Variants in ZC3H12B observed in about 807,000 individuals in gnomAD.
ZC3H12B encodes the protein zinc finger CCCH-type containing 12B, also known as probable ribonuclease ZC3H12B.
Under a neutral mutation model 43.9 loss-of-function variants are expected in ZC3H12B, and 7 were observed. That is an observed-to-expected ratio of 0.16 (90% CI 0.09 to 0.30). The LOEUF (loss-of-function observed/expected upper bound fraction) is 0.30. ZC3H12B is among the 10% of genes least tolerant of loss of function. The pLI, the probability that ZC3H12B is intolerant of heterozygous loss-of-function variation, is 1.00. For missense variants in ZC3H12B, 475 were observed against 670.2 expected, an observed-to-expected ratio of 0.71 and a Z score of 3.22; for synonymous variants, 222 against 241.7, an observed-to-expected ratio of 0.92 and a Z score of 0.76.
At chrX:65,179,104 G>A in the ZC3H12B span, among the ~76,000 whole-genome samples, 1 of 111,335 alleles carries the variant, frequency 9.0e-6, no homozygotes, top group African/African-American at 3.3e-5. Context: ...CCTGCCCTTT[G>A]AATGGACATC....
At chrX:65,192,475 A>G in the ZC3H12B span, among the ~76,000 whole-genome samples, 7 of 111,440 alleles carry the variant, frequency 6.3e-5, no homozygotes, top group African/African-American at 2.3e-4. Flanking sequence ...GTATGATAGT[A>G]GCTGTGGGTC....
the ZC3H12B span, among the ~76,000 whole-genome samples, chrX:65,134,445 CCTT>C: frequency 9.0e-6 from 1 of 111,449 alleles, no homozygotes; most frequent in Admixed American, 9.5e-5. Flanking sequence ...AAATGTGTCT[CCTT>C]TGTCTCTACT....
the ZC3H12B span, chrX:65,271,537 A>G: frequency 8.9e-6 from 1 of 112,395 alleles, no homozygotes; most frequent in Non-Finnish European, 1.9e-5. Context: ...AAAGTCTCTC[A>G]GGCATTCTGA....
At chrX:65,229,887 A>T in the ZC3H12B span, among the ~76,000 whole-genome samples, 7 of 110,592 alleles carry the variant, frequency 6.3e-5, no homozygotes, top group Admixed American at 4.8e-4. Flanking sequence ...AGGAAACAAC[A>T]GGTGCTGGAG....
At chrX:65,183,145 C>G in the ZC3H12B span, among the ~76,000 whole-genome samples, 9,233 of 111,223 alleles carry the variant, frequency 0.083, 1,029 homozygotes, top group African/African-American at 0.29. Context: ...CAGTACTATT[C>G]ACAATAGCAA....
chrX:65,172,352 G>C, the ZC3H12B span, among the ~76,000 whole-genome samples: 1 of 110,998 alleles, frequency 9.0e-6, no homozygotes, highest in Admixed American at 9.6e-5. Context: ...TTTCTGGTGG[G>C]TAAAAAATTT....
At chrX:65,252,522 A>G in the ZC3H12B span, among the ~76,000 whole-genome samples, 4 of 111,898 alleles carry the variant, frequency 3.6e-5, no homozygotes, top group Admixed American at 1.9e-4. Context: ...ACAGATGAGG[A>G]AACCAAAGCA....
At chrX:65,342,017 C>T in the ZC3H12B span, among the ~76,000 whole-genome samples, 1 of 110,742 alleles carries the variant, frequency 9.0e-6, no homozygotes, top group Admixed American at 9.7e-5. Context: ...CTTCAACAGA[C>T]CAGTCTCACA....
At chrX:65,090,567 G>A in the ZC3H12B span, among the ~76,000 whole-genome samples, 3 of 111,481 alleles carry the variant, frequency 2.7e-5, no homozygotes, top group African/African-American at 9.8e-5. Flanking sequence ...TAACCTAGAT[G>A]GTGACTTTAC....
At chrX:65,039,414 A>G in the ZC3H12B span, among the ~76,000 whole-genome samples, 1 of 111,916 alleles carries the variant, frequency 8.9e-6, no homozygotes, top group Non-Finnish European at 1.9e-5. Context: ...CATGATTAAT[A>G]ATGTGAAAAT....
chrX:65,130,177 G>T, the ZC3H12B span, among the ~76,000 whole-genome samples: 3 of 111,188 alleles, frequency 2.7e-5, no homozygotes, highest in African/African-American at 6.6e-5. Context: ...GGTTTTAAAA[G>T]ACCATTAGTC....
At chrX:65,325,639 A>T in the ZC3H12B span, among the ~76,000 whole-genome samples, 11 of 111,728 alleles carry the variant, frequency 9.8e-5, no homozygotes, top group South Asian at 3.7e-4. Context: ...ATGTTTATGG[A>T]TTTGAAGAAT....
chrX:65,168,450 G>A, the ZC3H12B span, among the ~76,000 whole-genome samples: 6 of 111,138 alleles, frequency 5.4e-5, no homozygotes, highest in Non-Finnish European at 1.1e-4. Context: ...GTATTTTATT[G>A]AGGAGTTTTG....
the ZC3H12B span, among the ~76,000 whole-genome samples, chrX:65,196,615 G>A: frequency 2.7e-5 from 3 of 111,542 alleles, no homozygotes; most frequent in Non-Finnish European, 5.6e-5. Context: ...CCAATGGGGA[G>A]AAATCTTAAA....
the ZC3H12B span, among the ~76,000 whole-genome samples, chrX:65,157,335 C>A: frequency 2.7e-5 from 3 of 112,187 alleles, no homozygotes; most frequent in Admixed American, 9.5e-5. Flanking sequence ...AAGATATGCT[C>A]AACATCTTAA....
At chrX:65,441,299 C>T (rs1156448886) in intron 3 of ZC3H12B, among the ~76,000 whole-genome samples, 1 of 112,107 alleles carries the variant, frequency 8.9e-6, no homozygotes, top group African/African-American at 3.2e-5. Context: ...TTACCAATTC[C>T]AACTATGTTA....
At chrX:65,256,248 C>T in the ZC3H12B span, among the ~76,000 whole-genome samples, 2 of 112,147 alleles carry the variant, frequency 1.8e-5, no homozygotes, top group South Asian at 7.4e-4. Context: ...TTCTCATCTG[C>T]ATATGGCACA....
the ZC3H12B span, among the ~76,000 whole-genome samples, chrX:65,048,181 G>A: frequency 9.0e-6 from 1 of 110,956 alleles, no homozygotes; most frequent in African/African-American, 3.3e-5. Context: ...ATTTCATTTA[G>A]CATAAAGTCC....
At chrX:65,038,628 T>A in the ZC3H12B span, among the ~76,000 whole-genome samples, 48 of 111,068 alleles carry the variant, frequency 4.3e-4, 1 homozygote, top group Admixed American at 4.6e-3. Context: ...TATGTCAAAT[T>A]GTAAGTACTG....
Sources: gnomAD v4.1 joint callset for allele counts (sites outside exome capture counted in the v4.1 genomes callset) on GRCh38, gnomAD v4.1.1 for gene constraint, MANE v1.5 for transcripts, NCBI Gene and HGNC (gene_info 2026-07-23, HGNC 2026-07-21) for gene names.